Variants in RNF17 observed in about 807,000 individuals in gnomAD.
RNF17 encodes the protein spermatogenesis associated 23.
In RNF17, 31 loss-of-function variants were observed where a neutral mutation model predicts 200.5. The observed-to-expected ratio is 0.15, with a 90% CI of 0.12 to 0.21. The LOEUF (loss-of-function observed/expected upper bound fraction) is 0.21. Ranked by LOEUF, RNF17 falls within the 10% of genes least tolerant of loss-of-function variation. The pLI is 1.00. For missense variants in RNF17, 1,628 were observed against 1,905.1 expected (o/e 0.85, Z 2.71); for synonymous variants, 606 against 637.8 (o/e 0.95, Z 0.75).
At chr13:24,882,151 G>T (rs200256932), downstream of RNF17, 43 of 1,614 alleles carry the variant, frequency 0.027, 17 homozygotes, top group African/African-American at 0.056. Context: ...CATCTATATA[G>T]ATAGATACAT....
At chr13:24,884,946 A>AGAAACTTTCC in the RNF17 span, among the ~76,000 whole-genome samples, 5 of 152,240 alleles carry the variant, frequency 3.3e-5, no homozygotes, top group Non-Finnish European at 4.4e-5. Flanking sequence ...TTTCCCACTA[A>AGAAACTTTCC]GAAACTTTCC....
chr13:24,767,524 C>T (rs1593199379), intron 2 of RNF17, among the ~76,000 whole-genome samples, 158 bp downstream of exon 2: 1 of 152,100 alleles, frequency 6.6e-6, no homozygotes, highest in African/African-American at 2.4e-5. Context: ...CTGAGGCGGG[C>T]AGATCACGAG....
chr13:24,842,976 G>A (rs1247720490), intron 19 of RNF17, among the ~76,000 whole-genome samples: 1 of 150,342 alleles, frequency 6.7e-6, no homozygotes, highest in African/African-American at 2.5e-5. Flanking sequence ...GACAGAGCAA[G>A]ACTCTGTCTA....
intron 16 of RNF17, among the ~76,000 whole-genome samples, chr13:24,828,230 G>A (rs1162355025): frequency 2.5e-5 from 1 of 39,868 alleles, no homozygotes; most frequent in Non-Finnish European, 5.7e-5. Context: ...GAGTGTGCAT[G>A]GTGCTCATTC....
intron 4 of RNF17, 92 bp downstream of exon 4, chr13:24,778,498 C>T: frequency 1.2e-6 from 1 of 842,890 alleles, no homozygotes. Flanking sequence ...ATTATAGATT[C>T]TTTTGGAAGT....
At chr13:24,796,439 C>A in intron 11 of RNF17, 144 bp downstream of exon 11, 1 of 528,794 alleles carries the variant, frequency 1.9e-6, no homozygotes, top group East Asian at 3.3e-5. Context: ...GATTATTTAA[C>A]ATAAATTATT....
At chr13:24,799,625 A>G in intron 12 of RNF17, 41 bp downstream of exon 12, 1 of 1,315,104 alleles carries the variant, frequency 7.6e-7, no homozygotes, top group Non-Finnish European at 1.1e-6. Context: ...CTGCTTAGAA[A>G]CATTTTGGAG....
chr13:24,827,718 C>CAAAA (rs1250308715), intron 16 of RNF17, among the ~76,000 whole-genome samples: 2 of 54,630 alleles, frequency 3.7e-5, no homozygotes, highest in African/African-American at 9.0e-5. Flanking sequence ...AAAAAAAAAA[C>CAAAA]AAAAAAAAAA....
chr13:24,779,812 T>A, intron 5 of RNF17, 65 bp downstream of exon 5: 1 of 1,212,006 alleles, frequency 8.3e-7, no homozygotes, highest in Non-Finnish European at 1.2e-6. Flanking sequence ...GTGTGTACAT[T>A]TGGAGATGTT....
At chr13:24,808,514 A>C (rs1593303877) in intron 15 of RNF17, among the ~76,000 whole-genome samples, 4 of 94,124 alleles carry the variant, frequency 4.2e-5, no homozygotes, top group African/African-American at 1.7e-4. Flanking sequence ...GACTTTGCTG[A>C]AGTTGCATAT....
At chr13:24,865,697 A>G (rs1244261195) in intron 29 of RNF17, among the ~76,000 whole-genome samples, 2 of 152,186 alleles carry the variant, frequency 1.3e-5, no homozygotes, top group Non-Finnish European at 2.9e-5. Flanking sequence ...TCTTCTCTCA[A>G]ATAGAAATCG....
At chr13:24,782,486 C>T (rs939687481) in intron 6 of RNF17, among the ~76,000 whole-genome samples, 7 of 151,994 alleles carry the variant, frequency 4.6e-5, no homozygotes, top group Admixed American at 2.0e-4. Flanking sequence ...GTGTACATAA[C>T]GGTGCCCAGC....
the RNF17 span, among the ~76,000 whole-genome samples, chr13:24,752,914 T>A: frequency 6.6e-6 from 1 of 152,218 alleles, no homozygotes; most frequent in Non-Finnish European, 1.5e-5. Flanking sequence ...CCCTACTTGA[T>A]CTGGCTTCTG....
intron 24 of RNF17, among the ~76,000 whole-genome samples, chr13:24,852,535 G>C (rs1892054622): frequency 6.6e-6 from 1 of 152,122 alleles, no homozygotes; most frequent in East Asian, 1.9e-4. Flanking sequence ...GATCTCCGTA[G>C]ATGTGTTTGC....
intron 24 of RNF17, among the ~76,000 whole-genome samples, chr13:24,852,843 G>A (rs978877048): frequency 5.9e-5 from 9 of 152,178 alleles, no homozygotes; most frequent in Admixed American, 2.6e-4. Context: ...TTAAGGCGGC[G>A]GTGGGTTGGG....
chr13:24,845,956 G>A (rs1405591436), intron 22 of RNF17, among the ~76,000 whole-genome samples: 1 of 152,156 alleles, frequency 6.6e-6, no homozygotes, highest in African/African-American at 2.4e-5. Flanking sequence ...GGCCAGGTGA[G>A]GTGGCTCACA....
chr13:24,792,924 G>A, intron 9 of RNF17, 118 bp from the exon 10 acceptor site: 1 of 691,202 alleles, frequency 1.4e-6, no homozygotes. Flanking sequence ...AGTGGCTATT[G>A]AATAATCATG....
chr13:24,789,836 A>G, intron 9 of RNF17, 64 bp downstream of exon 9: 1 of 911,868 alleles, frequency 1.1e-6, no homozygotes, highest in Non-Finnish European at 1.8e-6. Flanking sequence ...TATCTAAGAG[A>G]CAGAAGAATT....
chr13:24,763,272 G>C (rs892512189), upstream of RNF17, among the ~76,000 whole-genome samples: 1 of 148,988 alleles, frequency 6.7e-6, no homozygotes, highest in Non-Finnish European at 1.5e-5. Flanking sequence ...GTATGATCTC[G>C]GCTCACTGCA....
Sources: allele counts gnomAD v4.1 joint callset (sites outside exome capture counted in the v4.1 genomes callset), GRCh38; gene constraint gnomAD v4.1.1; transcripts MANE v1.5; gene names NCBI Gene and HGNC (gene_info 2026-07-23, HGNC 2026-07-21).